The following DNAH12 variants were observed in gnomAD, a reference collection of about 807,000 sequenced individuals.
DNAH12 encodes dynein axonemal heavy chain 12.
In DNAH12, 285 loss-of-function variants were observed where a neutral mutation model predicts 371.5. The observed-to-expected ratio is 0.77, with a 90% confidence interval of 0.70 to 0.85. DNAH12 has a LOEUF of 0.85. DNAH12 is among the 40% of genes least tolerant of loss of function. The pLI, the probability that DNAH12 is intolerant of heterozygous loss-of-function variation, is 0.00. For missense variants in DNAH12, 3,611 were observed against 3,689.4 expected, an observed-to-expected ratio of 0.98 and a Z score of 0.55; for synonymous variants, 1,200 against 1,213.0, an observed-to-expected ratio of 0.99 and a Z score of 0.22.
chr3:57,347,871 G>C (rs547956124), intron 60 of DNAH12, among the ~76,000 whole-genome samples: 1 of 152,172 alleles, frequency 6.6e-6, no homozygotes, highest in Non-Finnish European at 1.5e-5. Context: ...CTATTAAAAT[G>C]GCCACTTTCC....
intron 70 of DNAH12, among the ~76,000 whole-genome samples, chr3:57,298,313 C>T (rs145987547): frequency 7.2e-5 from 11 of 152,270 alleles, no homozygotes; most frequent in East Asian, 5.8e-4. Flanking sequence ...CTGGGACTTT[C>T]GGAGAAAAGA....
At position 57,428,769 on chromosome 3, in the gene DNAH12, CCTAA is replaced by C; in HGVS notation, c.5113_5116del (p.Leu1705AspfsTer10). 1 of 1,550,450 alleles carries C rather than the reference CCTAA, an allele frequency of 6.4e-7. No individual in the cohort carries two copies. Among genetic ancestry groups the C allele is most frequent in the Non-Finnish European group, 8.7e-7 (1 of 1,146,698 alleles). On this transcript the variant is annotated frameshift_variant, in exon 34 of 74. Transcript: ENST00000495027. LOFTEE classifies it high-confidence loss of function. ...CCAAGAAGACACAAGTGGTTCCCAT[CCTAA>C]CTGTGAAGGCTCCAAATAAATCATA...
At chr3:57,377,533 CAAAT>C (rs1244009953) in intron 52 of DNAH12, among the ~76,000 whole-genome samples, 1 of 151,212 alleles carries the variant, frequency 6.6e-6, no homozygotes, top group Non-Finnish European at 1.5e-5. Flanking sequence ...TAACTGTTGT[CAAAT>C]AACAGAAAAA....
chr3:57,478,495 ACT>A (rs1490807689), intron 13 of DNAH12, among the ~76,000 whole-genome samples: 2 of 152,178 alleles, frequency 1.3e-5, no homozygotes, highest in African/African-American at 4.8e-5. Context: ...GTTGGAAAAC[ACT>A]CTGCAGGATA....
intron 60 of DNAH12, among the ~76,000 whole-genome samples, chr3:57,345,478 C>T (rs530699466): frequency 1.4e-4 from 22 of 152,252 alleles, no homozygotes; most frequent in South Asian, 1.0e-3. Flanking sequence ...GAAAAATACA[C>T]GAGAACCATG....
At chr3:57,511,595 G>C (rs2068001223) in intron 4 of DNAH12, among the ~76,000 whole-genome samples, 1 of 152,086 alleles carries the variant, frequency 6.6e-6, no homozygotes. Flanking sequence ...TGATCCTAAA[G>C]TTCATGTGGA....
intron 12 of DNAH12, among the ~76,000 whole-genome samples, chr3:57,485,683 G>A (rs2066901688): frequency 6.6e-6 from 1 of 152,026 alleles, no homozygotes. Context: ...ACAGGCATGA[G>A]CCACCGCACC....
chr3:57,323,456 T>C lies in DNAH12; in HGVS notation c.10129+13A>G, dbSNP rs1291661224. On this transcript the variant is annotated intron_variant, in intron 63 of 73. Coordinates refer to ENST00000495027, the MANE Select transcript of DNAH12 (RefSeq NM_001366028.2). ...TTTATGATTTCTTAAAAGTTTACAG[T>C]ATATGCACTTACTGGCCATAGGATC... The C allele has an allele frequency of 6.5e-7, 1 of 1,537,620 alleles. No homozygotes were observed. The highest frequency in any genetic ancestry group is 1.2e-5 in the South Asian group (1 of 80,870).
chr3:57,426,901 G>A (rs1188175626), intron 34 of DNAH12, among the ~76,000 whole-genome samples: 2 of 151,308 alleles, frequency 1.3e-5, no homozygotes, highest in Admixed American at 6.6e-5. Flanking sequence ...TACTCATTAT[G>A]TGGAAAGGTG....
At chr3:57,309,004 T>C (rs760061016) in intron 69 of DNAH12, 147 bp downstream of exon 69, 1 of 533,968 alleles carries the variant, frequency 1.9e-6, no homozygotes, top group Admixed American at 3.7e-5. Context: ...CTAATCCCGC[T>C]TGAAGCAGCC....
At chr3:57,469,886 C>T (rs933273363) in intron 16 of DNAH12, among the ~76,000 whole-genome samples, 2 of 152,204 alleles carry the variant, frequency 1.3e-5, no homozygotes, top group Middle Eastern at 3.4e-3. Flanking sequence ...AGGTGCTGTG[C>T]TCACTACCTG....
At chr3:57,537,807 C>T (rs934457841) in intron 2 of DNAH12, among the ~76,000 whole-genome samples, 1 of 151,740 alleles carries the variant, frequency 6.6e-6, no homozygotes, top group African/African-American at 2.4e-5. Context: ...GCCTCAGCCT[C>T]CCGAGTAGCT....
intron 62 of DNAH12, among the ~76,000 whole-genome samples, chr3:57,334,027 A>G (rs754631944): frequency 3.4e-4 from 51 of 152,232 alleles, no homozygotes; most frequent in Admixed American, 2.0e-3. Context: ...CAAATTTTTT[A>G]GAGATGAAAT....
chr3:57,305,748 C>T (rs993342340), intron 69 of DNAH12, among the ~76,000 whole-genome samples: 2 of 152,122 alleles, frequency 1.3e-5, no homozygotes, highest in Non-Finnish European at 2.9e-5. Flanking sequence ...AATAAAGCTC[C>T]AAAAATTAAA....
chr3:57,483,950 CA>C (rs71088079), intron 12 of DNAH12, among the ~76,000 whole-genome samples: 126 of 64,080 alleles, frequency 2.0e-3, no homozygotes, highest in African/African-American at 7.1e-3. Flanking sequence ...GACCCTGTCT[CA>C]AAAAAAAAAA....
At chr3:57,437,181 C>T (rs947348271) in intron 29 of DNAH12, 121 bp from the exon 30 acceptor site, 16 of 682,158 alleles carry the variant, frequency 2.3e-5, no homozygotes, top group Non-Finnish European at 3.4e-5. Flanking sequence ...TTTATTATTT[C>T]TTAAAACTTT....
intron 70 of DNAH12, among the ~76,000 whole-genome samples, chr3:57,299,769 T>C (rs1453316748): frequency 6.9e-6 from 1 of 145,290 alleles, no homozygotes; most frequent in East Asian, 2.1e-4. Context: ...TGATGGCATC[T>C]TGATCTCAGA....
At chr3:57,299,332 T>TGC (rs1559532333) in intron 70 of DNAH12, among the ~76,000 whole-genome samples, 1 of 152,208 alleles carries the variant, frequency 6.6e-6, no homozygotes, top group African/African-American at 2.4e-5. Flanking sequence ...TCATATGCAT[T>TGC]GCCTCATTTA....
chr3:57,414,859 G>C (rs2064316044), intron 38 of DNAH12, among the ~76,000 whole-genome samples: 1 of 152,170 alleles, frequency 6.6e-6, no homozygotes, highest in Admixed American at 6.5e-5. Context: ...GAGGCCAGGA[G>C]AGAATGGATA....
Sources: gnomAD v4.1 joint callset for allele counts (sites outside exome capture counted in the v4.1 genomes callset) on GRCh38, gnomAD v4.1.1 for gene constraint, MANE v1.5 for transcripts, NCBI Gene and HGNC (gene_info 2026-07-23, HGNC 2026-07-21) for gene names.